ATXN1: variants seen among roughly 807,000 people sequenced by gnomAD.
ATXN1 encodes ataxin-1.
A neutral mutation model predicts 56.4 loss-of-function variants in ATXN1; 8 were observed. The observed-to-expected ratio is 0.14, with a 90% CI of 0.08 to 0.26. The LOEUF (loss-of-function observed/expected upper bound fraction) is 0.26, where lower values mean the gene tolerates loss of function less well. ATXN1 is among the 10% of genes least tolerant of loss of function. The pLI, the probability that ATXN1 is intolerant of heterozygous loss-of-function variation, is 1.00. For synonymous variants in ATXN1, 514 were observed against 494.6 expected (o/e 1.04, Z -0.52); for missense variants, 987 against 1,106.5 (o/e 0.89, Z 1.53).
intron 7 of ATXN1, among the ~76,000 whole-genome samples, chr6:16,308,328 A>T (rs1179931690): frequency 2.7e-3 from 203 of 75,202 alleles, no homozygotes; most frequent in African/African-American, 0.013. Context: ...TCCGTCACAC[A>T]CACACACACA....
chr6:16,408,515 T>TAAA (rs34769591), intron 6 of ATXN1, among the ~76,000 whole-genome samples: 1 of 136,844 alleles, frequency 7.3e-6, no homozygotes, highest in Non-Finnish European at 1.6e-5. Flanking sequence ...ATGAGGATGG[T>TAAA]AAAAAAAAAA....
rs1760202341 is a variant in ATXN1, at chr6:16,304,768, T to C, written c.*1561A>G. ...TGTTATTGGATAAAAACTGCAGGAA[T>C]ATCACACAAGTTATAAACTCAATAT... On this transcript the variant is annotated 3_prime_UTR_variant, in exon 8 of 8. Transcript: ENST00000436367. The C allele has an allele frequency of 6.5e-6, 1 of 152,696 alleles. No homozygotes were observed. The highest frequency in any genetic ancestry group is 6.5e-5 in the Admixed American group (1 of 15,286). The allele number at this position is 152,696 out of a possible 1,614,324, so 9.5% of individuals were successfully genotyped here.
rs1411539010 is a variant in ATXN1, at chr6:16,761,377, C to T, written c.-809G>A. 1 of 456,530 alleles carries T rather than the reference C, an allele frequency of 2.2e-6. No homozygotes were observed. Among genetic ancestry groups the T allele is most frequent in the Non-Finnish European group, 4.4e-6 (1 of 226,924 alleles). The allele number at this position is 456,530 out of a possible 1,614,324, so 28.3% of individuals were successfully genotyped here. On this transcript the variant is annotated 5_prime_UTR_variant, in exon 1 of 8. Transcript: ENST00000436367. ...AAACAATGTCTTGCGGCTGCTGTTG[C>T]TCTGGCTGCTGCTCCACGGGGCTTG...
chr6:16,327,290 C>A lies in ATXN1; in HGVS notation c.1021G>T (p.Asp341Tyr). The A allele has an allele frequency of 6.2e-7, 1 of 1,613,232 alleles. No individual in the cohort carries two copies. The highest frequency in any genetic ancestry group is 8.5e-7 in the Non-Finnish European group (1 of 1,179,898). The change falls in exon 7 of 8, where the codon GAC becomes TAC. Residue 341 changes from aspartate to tyrosine, a missense_variant. Asp to Tyr is a radical substitution (Grantham distance 160). This residue lies in a region of ATXN1 where 723 missense variants were observed against 791.7 expected (regional missense o/e 0.91). Transcript: ENST00000436367. ...SRRYGAPSSA[D>Y]LGLGKAGGKS... ...CCGCCTGCCTTGCCCAGGCCCAGGT[C>A]GGCTGAGGACGGGGCCCCGTACCGC...
intron 7 of ATXN1, among the ~76,000 whole-genome samples, chr6:16,312,373 A>G (rs150945358): frequency 5.9e-5 from 9 of 151,990 alleles, no homozygotes; most frequent in African/African-American, 1.7e-4. Context: ...CAATTGTGAA[A>G]TAGCAAAAGA....
At chr6:16,564,008 C>T (rs1762168204) in intron 4 of ATXN1, among the ~76,000 whole-genome samples, 2 of 152,224 alleles carry the variant, frequency 1.3e-5, no homozygotes, top group South Asian at 4.2e-4. Context: ...ATGAGGGAGT[C>T]AACAGACAGC....
chr6:16,540,877 A>T (rs1191916361), intron 4 of ATXN1, among the ~76,000 whole-genome samples: 1 of 152,224 alleles, frequency 6.6e-6, no homozygotes, highest in African/African-American at 2.4e-5. Flanking sequence ...AGGTATGAAT[A>T]ACTGACTCTA....
At chr6:16,542,259 A>G (rs1219765891) in intron 4 of ATXN1, among the ~76,000 whole-genome samples, 1 of 152,192 alleles carries the variant, frequency 6.6e-6, no homozygotes, top group Non-Finnish European at 1.5e-5. Flanking sequence ...TAGCATCCAC[A>G]ATCTGCATTC....
chr6:16,659,658 C>T (rs941883119), intron 2 of ATXN1, among the ~76,000 whole-genome samples: 4 of 152,208 alleles, frequency 2.6e-5, no homozygotes, highest in African/African-American at 9.7e-5. Context: ...GGTTCAACCA[C>T]TCATGCTCAT....
chr6:16,566,599 A>T lies in ATXN1; in HGVS notation c.-361+19181T>A, dbSNP rs564107942. Among the ~76,000 whole-genome samples the T allele has an allele frequency of 6.1e-4, 93 of 152,254 alleles. 1 individual carries two copies. The highest frequency in any genetic ancestry group is 1.8e-3 in the African/African-American group (74 of 41,538). On this transcript the variant is annotated intron_variant, in intron 4 of 7. Coordinates refer to ENST00000436367, the MANE Select transcript of ATXN1 (RefSeq NM_001128164.2). ...CTGGGCGCGGTGGCTCACGACTGTA[A>T]TCCCAGCACTTTGGGAGGCCACGGC...
intron 3 of ATXN1, among the ~76,000 whole-genome samples, chr6:16,602,399 A>G (rs1326619090): frequency 6.6e-6 from 1 of 152,108 alleles, no homozygotes; most frequent in Non-Finnish European, 1.5e-5. Flanking sequence ...AATTTTTTTA[A>G]TTGAAGCATC....
At chr6:16,478,593 A>C (rs1760374410) in intron 6 of ATXN1, among the ~76,000 whole-genome samples, 1 of 152,348 alleles carries the variant, frequency 6.6e-6, no homozygotes, top group Middle Eastern at 3.4e-3. Context: ...AGAAGAGAAT[A>C]ATCTTTGTGC....
At position 16,303,071 on chromosome 6, in the gene ATXN1, C is replaced by G. The variant is rs971220924; in HGVS notation, c.*3258G>C. The G allele has an allele frequency of 6.5e-5, 10 of 152,790 alleles. No individual in the cohort carries two copies. Among genetic ancestry groups the G allele is most frequent in the African/African-American group, 2.2e-4 (9 of 41,452 alleles). The allele number at this position is 152,790 out of a possible 1,614,324, so 9.5% of individuals were successfully genotyped here. On this transcript the variant is annotated 3_prime_UTR_variant, in exon 8 of 8. Transcript: ENST00000436367. This position sits in a 1 kb window ranked among gnomAD's most constrained non-coding sequence, Gnocchi z 4.3. ...CAGCCACTGGCCAACACGCTCAGAA[C>G]GCACACACACAACAGGCCACACTTC...
intron 4 of ATXN1, among the ~76,000 whole-genome samples, chr6:16,577,459 G>A (rs961842492): frequency 6.6e-6 from 1 of 151,282 alleles, no homozygotes; most frequent in African/African-American, 2.4e-5. Flanking sequence ...GGGAGGCAGA[G>A]GTTGCAGTGA....
chr6:16,673,758 C>T (rs188086169), intron 2 of ATXN1, among the ~76,000 whole-genome samples: 37 of 152,276 alleles, frequency 2.4e-4, no homozygotes, highest in Middle Eastern at 3.4e-3. Context: ...CTCAGGCGAT[C>T]CTCCTGCCTC....
intron 2 of ATXN1, among the ~76,000 whole-genome samples, chr6:16,664,787 T>C (rs1183059556): frequency 6.6e-6 from 1 of 152,020 alleles, no homozygotes; most frequent in East Asian, 1.9e-4. Flanking sequence ...TCTATACTCC[T>C]AAAATTTATT....
chr6:16,686,503 C>CACAGTTTGACGTGG (rs6149447), intron 2 of ATXN1, among the ~76,000 whole-genome samples: 2 of 151,924 alleles, frequency 1.3e-5, no homozygotes, highest in African/African-American at 2.4e-5. Context: ...GCATGCAACA[C>CACAGTTTGACGTGG]ATTATGCCGA....
intron 4 of ATXN1, among the ~76,000 whole-genome samples, chr6:16,584,862 T>C (rs1463651750): frequency 6.6e-6 from 1 of 152,200 alleles, no homozygotes; most frequent in African/African-American, 2.4e-5. Flanking sequence ...ACCAGTATGC[T>C]GCTAAGAAAT....
chr6:16,708,051 TG>T (rs972309850), intron 2 of ATXN1, among the ~76,000 whole-genome samples: 10 of 151,968 alleles, frequency 6.6e-5, no homozygotes, highest in African/African-American at 2.2e-4. Context: ...CAATATGTGG[TG>T]GGGGGGAAGA....
Sources: gnomAD v4.1 joint callset for allele counts (sites outside exome capture counted in the v4.1 genomes callset) on GRCh38, gnomAD v4.1.1 for gene constraint, gnomAD v4.1.1 regional missense constraint, Gnocchi (gnomAD v3.1) non-coding constraint, MANE v1.5 for transcripts, NCBI Gene and HGNC (gene_info 2026-07-23, HGNC 2026-07-21) for gene names.